The following RGS6 variants were observed in gnomAD, a reference collection of about 807,000 sequenced individuals.
RGS6 encodes the protein regulator of G-protein signaling 6.
Under a neutral mutation model 78.5 loss-of-function variants are expected in RGS6, and 30 were observed. The observed-to-expected ratio is 0.38, with a 90% CI of 0.29 to 0.52. The LOEUF (loss-of-function observed/expected upper bound fraction) is 0.52. Ranked by LOEUF, RGS6 falls within the 20% of genes least tolerant of loss-of-function variation. The probability of loss-of-function intolerance (pLI) is 0.85; values close to 1 mark genes in which losing one functional copy is unlikely to be tolerated. For synonymous variants in RGS6, 206 were observed against 206.0 expected, an observed-to-expected ratio of 1.00 and a Z score of 0.00; for missense variants, 495 against 609.7, an observed-to-expected ratio of 0.81 and a Z score of 1.98.
chr14:72,453,445 C>G (rs2095545696), intron 3 of RGS6, among the ~76,000 whole-genome samples: 1 of 149,386 alleles, frequency 6.7e-6, no homozygotes, highest in African/African-American at 2.5e-5. Context: ...GAAACCCCGT[C>G]TCTACTAAAA....
chr14:71,882,059 T>C, the RGS6 span, among the ~76,000 whole-genome samples: 1 of 152,226 alleles, frequency 6.6e-6, no homozygotes, highest in South Asian at 2.1e-4. Context: ...CCCAGAACTT[T>C]TACGCCATCC....
the RGS6 span, among the ~76,000 whole-genome samples, chr14:72,611,792 G>A: frequency 5.3e-5 from 8 of 152,116 alleles, no homozygotes; most frequent in East Asian, 1.4e-3. Context: ...TTCTTCCCCC[G>A]ACCCCTCAGC....
chr14:72,604,611 C>T, the RGS6 span, among the ~76,000 whole-genome samples: 7,604 of 152,186 alleles, frequency 0.05, 693 homozygotes, highest in African/African-American at 0.17. Flanking sequence ...CTTGGATGAC[C>T]GCTCTGAACA....
At chr14:72,409,629 A>G (rs1328477622) in intron 3 of RGS6, among the ~76,000 whole-genome samples, 2 of 151,968 alleles carry the variant, frequency 1.3e-5, no homozygotes, top group Non-Finnish European at 2.9e-5. Context: ...TTTGTTACAT[A>G]TGTATACATG....
chr14:71,882,036 T>C, the RGS6 span, among the ~76,000 whole-genome samples: 1 of 152,204 alleles, frequency 6.6e-6, no homozygotes, highest in Non-Finnish European at 1.5e-5. Context: ...CACAACCATC[T>C]CCACCATATA....
intron 2 of RGS6, among the ~76,000 whole-genome samples, chr14:72,209,493 C>T (rs939736345): frequency 3.9e-5 from 6 of 152,024 alleles, no homozygotes; most frequent in African/African-American, 9.7e-5. Flanking sequence ...TCAAAGTCAC[C>T]TTAAGTGAGT....
intron 2 of RGS6, among the ~76,000 whole-genome samples, chr14:72,067,310 G>A (rs548546046): frequency 6.6e-5 from 10 of 152,156 alleles, no homozygotes; most frequent in South Asian, 2.1e-4. Context: ...AAGGCCTGTC[G>A]GGGAGGTGGA....
At chr14:72,297,266 A>C (rs1233515819) in intron 2 of RGS6, among the ~76,000 whole-genome samples, 1 of 152,050 alleles carries the variant, frequency 6.6e-6, no homozygotes, top group Non-Finnish European at 1.5e-5. Context: ...GGTCCTTTGC[A>C]TTTCTGTATA....
At chr14:72,540,439 A>T in intron 17 of RGS6, 1 of 1,478,676 alleles carries the variant, frequency 6.8e-7, no homozygotes, top group South Asian at 1.4e-5. Context: ...GCTCAGGGAG[A>T]AGCCATCGAA....
intron 2 of RGS6, among the ~76,000 whole-genome samples, chr14:71,996,882 A>C (rs1384243848): frequency 6.6e-6 from 1 of 152,036 alleles, no homozygotes; most frequent in Non-Finnish European, 1.5e-5. Context: ...CAGTTCTGGG[A>C]ACTGTTAGCT....
At position 72,477,065 on chromosome 14, in the gene RGS6, G is replaced by A. The variant is rs77188904; in HGVS notation, c.792+225G>A. On this transcript the variant is annotated intron_variant, in intron 11 of 17. Transcript: ENST00000553525. The stretch of plus-strand genomic sequence containing the variant: ...CCTCCAGCAGTTACTAGAAAAGGGC[G>A]TAAATGAGTCATCCCATGCCTTGGG... 919 of 515,156 alleles carry A rather than the reference G, an allele frequency of 1.8e-3. 9 individuals are homozygous for A. Among genetic ancestry groups the A allele is most frequent in the African/African-American group, 0.016 (850 of 51,734 alleles). 31.9% of individuals were successfully genotyped at this position (515,156 alleles called of 1,614,324 possible).
chr14:72,067,852 G>A (rs1370166657), intron 2 of RGS6, among the ~76,000 whole-genome samples: 1 of 152,106 alleles, frequency 6.6e-6, no homozygotes. Flanking sequence ...CGTGAGGATG[G>A]TCTAGAGGCC....
At chr14:72,377,789 A>G (rs912535411) in intron 3 of RGS6, among the ~76,000 whole-genome samples, 4 of 152,118 alleles carry the variant, frequency 2.6e-5, no homozygotes, top group Admixed American at 6.6e-5. Context: ...ACCAGCCTGG[A>G]CAACATAGTG....
At chr14:72,025,802 T>C (rs1332699471) in intron 2 of RGS6, among the ~76,000 whole-genome samples, 1 of 152,086 alleles carries the variant, frequency 6.6e-6, no homozygotes, top group Non-Finnish European at 1.5e-5. Flanking sequence ...AATAATGAAA[T>C]AGAGGTTTAG....
Position 72,440,414 on chromosome 14 carries a change from C to CTTT in RGS6, c.185-14098_185-14096dup, listed in dbSNP as rs60589205. ...TGATGTTGAAATTTGACCTACACTTCTTTTTTTTTTTTTTTTTTGAGATGG... is the reference window on the plus strand; with the variant it reads ...TGATGTTGAAATTTGACCTACACTTCTTTTTTTTTTTTTTTTTTTTTGAGATGG... On this transcript the variant is annotated intron_variant, in intron 3 of 17. Transcript: ENST00000553525. Among the ~76,000 whole-genome samples the CTTT allele has an allele frequency of 4.6e-3, 608 of 131,968 alleles. 7 individuals carry two copies. The highest frequency in any genetic ancestry group is 0.016 in the African/African-American group (564 of 35,852). 86.6% of individuals were successfully genotyped at this position (131,968 alleles called of 152,430 possible).
chr14:72,561,637 C>A (rs546695127), intron 17 of RGS6, among the ~76,000 whole-genome samples: 1 of 152,348 alleles, frequency 6.6e-6, no homozygotes, highest in East Asian at 1.9e-4. Context: ...ACTCTCCTGG[C>A]ACCTCTATGG....
rs186102085 is a variant in RGS6, at chr14:72,309,003, T to G, written c.85-43092T>G. 1.3e-3 allele frequency among the ~76,000 whole-genome samples: 199 copies of G among 152,336 alleles called. 3 individuals carry two copies. The highest frequency in any genetic ancestry group is 1.9e-3 in the Non-Finnish European group (128 of 68,026). ...AGTGGCCTTAGTATCAGTGTTTGGT[T>G]TCTTTGCGATGTGTAATTGGTTTTA... is the stretch of plus-strand genomic sequence containing the variant. On this transcript the variant is annotated intron_variant, in intron 2 of 17. Coordinates refer to ENST00000553525, the MANE Select transcript of RGS6 (RefSeq NM_001204424.2).
At chr14:72,081,987 T>C (rs56823365) in intron 2 of RGS6, among the ~76,000 whole-genome samples, 2 of 152,018 alleles carry the variant, frequency 1.3e-5, no homozygotes, top group African/African-American at 2.4e-5. Context: ...TTTAACAGTA[T>C]GGTTATATTT....
chr14:71,898,006 A>G, the RGS6 span, among the ~76,000 whole-genome samples: 1 of 135,012 alleles, frequency 7.4e-6, no homozygotes, highest in African/African-American at 2.8e-5. Context: ...TTTCTTTTTT[A>G]TTTCCTTTTT....
Sources: gnomAD v4.1 joint callset for allele counts (sites outside exome capture counted in the v4.1 genomes callset) on GRCh38, gnomAD v4.1.1 for gene constraint, MANE v1.5 for transcripts, NCBI Gene and HGNC (gene_info 2026-07-23, HGNC 2026-07-21) for gene names.